Variants in TGFB1 observed in about 807,000 individuals in gnomAD.
TGFB1 encodes transforming growth factor beta-1 proprotein.
Under a neutral mutation model 43.8 loss-of-function variants are expected in TGFB1, and 19 were observed. The ratio of observed to expected loss-of-function variants is 0.43; its 90% CI spans 0.30 to 0.64. TGFB1 has a LOEUF of 0.64. TGFB1 is among the 30% of genes least tolerant of loss of function. The pLI, the probability that TGFB1 is intolerant of heterozygous loss-of-function variation, is 0.11. For synonymous variants in TGFB1, 221 were observed against 236.3 expected (o/e 0.94, Z 0.60); for missense variants, 445 against 529.8 (o/e 0.84, Z 1.57).
intron 3 of TGFB1, among the ~76,000 whole-genome samples, chr19:41,343,856 A>C (rs1463140311): frequency 6.6e-6 from 1 of 152,156 alleles, no homozygotes. Context: ...GGAGAGAGAT[A>C]GGGGCACCAT....
chr19:41,346,936 G>A (rs1241309987), intron 2 of TGFB1, among the ~76,000 whole-genome samples: 1 of 152,052 alleles, frequency 6.6e-6, no homozygotes, highest in Non-Finnish European at 1.5e-5. Flanking sequence ...ATGTTGGCCA[G>A]GCTGGTCTTG....
In TGFB1 at chr19:41,353,002, G is replaced by A. The variant is rs775720479; in HGVS notation, c.43C>T (p.Leu15=). The part of the protein sequence containing the change: ...GLRLLPLLLP[L]LWLLVLTPGR... ...GGCGTCAGCACCAGTAGCCACAGCA[G>A]CGGTAGCAGCAGCGGCAGCAGCCGC... Residue 15 remains leucine (L), a synonymous_variant, in exon 1 of 7, where the codon CTG becomes TTG. Transcript: ENST00000221930. This position sits in a 1 kb window ranked among gnomAD's most constrained non-coding sequence, Gnocchi z 5.9. 9 of 1,536,184 alleles carry A rather than the reference G, an allele frequency of 5.9e-6. No individual in the cohort carries two copies. The South Asian group carries it at 1.1e-4, about 18-fold the overall frequency.
chr19:41,343,737 G>C (rs983432587), intron 3 of TGFB1, among the ~76,000 whole-genome samples: 3 of 152,152 alleles, frequency 2.0e-5, no homozygotes, highest in Middle Eastern at 3.2e-3. Flanking sequence ...AGAACTGAGG[G>C]CTGTCTTGGT....
rs764671834 is a variant in TGFB1 at position 41,342,255 on chromosome 19, A to G, written c.635-8T>C. ...GAAAGCCCTCAATTTCCCCTGTAGG[A>G]GTGGCGAGAGGGAAGCCAGTCTGAG... On this transcript the variant is annotated splice_region_variant and splice_polypyrimidine_tract_variant and intron_variant, in intron 3 of 6. Coordinates refer to ENST00000221930, the MANE Select transcript of TGFB1 (RefSeq NM_000660.7). 2 of 1,587,656 alleles carry G rather than the reference A, an allele frequency of 1.3e-6. No individual in the cohort carries two copies. The highest frequency in any genetic ancestry group is 1.1e-5 in the South Asian group (1 of 87,238).
intron 5 of TGFB1, among the ~76,000 whole-genome samples, chr19:41,341,466 C>CAAAAAAAAAAAAAAAA (rs770264069): frequency 2.8e-5 from 1 of 35,582 alleles, no homozygotes; most frequent in African/African-American, 1.2e-4. Context: ...GACTCTGTCT[C>CAAAAAAAAAAAAAAAA]AAAAAAAAAA....
At chr19:41,340,190 G>T (rs2038038823) in intron 5 of TGFB1, among the ~76,000 whole-genome samples, 1 of 150,374 alleles carries the variant, frequency 6.7e-6, no homozygotes, top group Admixed American at 6.6e-5. Context: ...TGCCAGTATT[G>T]CATCCCAACA....
intron 5 of TGFB1, among the ~76,000 whole-genome samples, chr19:41,338,853 T>C (rs2038020496): frequency 6.6e-6 from 1 of 151,878 alleles, no homozygotes; most frequent in Admixed American, 6.6e-5. Flanking sequence ...AAAAAAAGTA[T>C]TAATCAACTG....
Position 41,348,323 on chromosome 19 carries a change from T to A in TGFB1, c.488A>T (p.Lys163Ile). Residue 163 changes from lysine to isoleucine, a missense_variant, in exon 2 of 7, where the codon AAA becomes ATA. Lys to Ile is a moderately radical substitution (Grantham distance 102, BLOSUM62 -3). Around this residue, in one of 3 missense-constraint regions of TGFB1, gnomAD observed 366 missense variants for 428.8 expected, o/e 0.85. Coordinates refer to ENST00000221930, the MANE Select transcript of TGFB1 (RefSeq NM_000660.7). ...GTACAGCTCCACGTGCTGCTCCACT[T>A]TTAACTTGAGCCTCAGCAGACGCAG... The part of the protein sequence containing the change: ...AELRLLRLKL[K>I]VEQHVELYQK... The A allele has an allele frequency of 6.2e-7, 1 of 1,613,266 alleles. No homozygotes were observed. The highest frequency in any genetic ancestry group is 8.5e-7 in the Non-Finnish European group (1 of 1,179,708).
In TGFB1 at chr19:41,352,824, G is replaced by A. The variant is rs1453471076; in HGVS notation, c.221C>T (p.Pro74Leu). The change falls in exon 1 of 7, where the codon CCC becomes CTC. Residue 74 changes from proline to leucine, a missense_variant. By Grantham distance (98) the Pro-to-Leu change is moderately conservative. Around this residue, in one of 3 missense-constraint regions of TGFB1, gnomAD observed 366 missense variants for 428.8 expected, o/e 0.85. Transcript: ENST00000221930. Reference protein sequence around the residue: ...SQGEVPPGPLPEAVLALYNST... With the variant: ...SQGEVPPGPLLEAVLALYNST... ...GTTGTACAGGGCGAGCACGGCCTCG[G>A]GCAGCGGGCCGGGCGGCACCTCCCC... The A allele has an allele frequency of 6.3e-7, 1 of 1,591,756 alleles. No individual in the cohort carries two copies. The highest frequency in any genetic ancestry group is 8.5e-7 in the Non-Finnish European group (1 of 1,169,978).
intron 2 of TGFB1, 60 bp downstream of exon 2, chr19:41,348,235 T>C: frequency 6.2e-7 from 1 of 1,600,434 alleles, no homozygotes; most frequent in Non-Finnish European, 8.5e-7. Flanking sequence ...GCCACCCCCT[T>C]GGTCACAGCT....
intron 5 of TGFB1, among the ~76,000 whole-genome samples, chr19:41,334,191 A>C (rs2037964628): frequency 1.3e-5 from 2 of 151,860 alleles, no homozygotes; most frequent in African/African-American, 4.8e-5. Flanking sequence ...CCTGACCAAC[A>C]TGGCGAAACC....
chr19:41,346,014 C>T (rs573072824), intron 2 of TGFB1, among the ~76,000 whole-genome samples: 1 of 152,102 alleles, frequency 6.6e-6, no homozygotes, highest in East Asian at 1.9e-4. Context: ...CAAGAGTCTG[C>T]CATGCCGCAC....
chr19:41,337,042 G>C (rs1568475671), intron 5 of TGFB1, among the ~76,000 whole-genome samples: 1 of 151,144 alleles, frequency 6.6e-6, no homozygotes, highest in South Asian at 2.1e-4. Flanking sequence ...ACTGCAACCT[G>C]TGCCTCCCAG....
rs192531919 is a variant in TGFB1 at position 41,346,362 on chromosome 19, A to C, written c.517-1498T>G. Among the ~76,000 whole-genome samples the C allele has an allele frequency of 2.7e-3, 405 of 152,216 alleles. 1 individual carries two copies. The highest frequency in any genetic ancestry group is 4.4e-3 in the African/African-American group (182 of 41,550). ...CAAAACTCCATCACACACACACACA[A>C]AAAAAAGAAGAATTTTCTGGGGCTG... On this transcript the variant is annotated intron_variant, in intron 2 of 6. Coordinates refer to ENST00000221930, the MANE Select transcript of TGFB1 (RefSeq NM_000660.7).
chr19:41,335,738 C>T (rs2037981824), intron 5 of TGFB1, among the ~76,000 whole-genome samples: 1 of 152,196 alleles, frequency 6.6e-6, no homozygotes, highest in African/African-American at 2.4e-5. Context: ...CCTGTAATCT[C>T]AGCACTTTGG....
At chr19:41,341,148 G>A (rs554221922) in intron 5 of TGFB1, among the ~76,000 whole-genome samples, 156 of 151,384 alleles carry the variant, frequency 1.0e-3, no homozygotes, top group African/African-American at 2.0e-3. Context: ...TGGCTAACAT[G>A]GTGAAACCCA....
Position 41,347,002 on chromosome 19 carries a change from A to G in TGFB1, c.516+1293T>C, listed in dbSNP as rs183936511. 4.6e-5 allele frequency among the ~76,000 whole-genome samples: 7 copies of G among 151,940 alleles called. No homozygotes were observed. The East Asian group carries it at 1.4e-3, about 29-fold the overall frequency. On this transcript the variant is annotated intron_variant, in intron 2 of 6. Coordinates refer to ENST00000221930, the MANE Select transcript of TGFB1 (RefSeq NM_000660.7). ...TGGCCTCCCAAAGTGCTGGGATTGC[A>G]GGCATGAGCCACCACGCCTGGCCTA...
intron 5 of TGFB1, among the ~76,000 whole-genome samples, chr19:41,335,712 G>A (rs1312413757): frequency 6.6e-6 from 1 of 152,218 alleles, no homozygotes; most frequent in African/African-American, 2.4e-5. Context: ...ACCTAGGCCA[G>A]GTGCAGTGAC....
chr19:41,334,692 C>G (rs755680414), intron 5 of TGFB1, among the ~76,000 whole-genome samples: 1 of 151,754 alleles, frequency 6.6e-6, no homozygotes, highest in East Asian at 1.9e-4. Context: ...GCAGGAGAAT[C>G]GCTTGAACCC....
Sources: gnomAD v4.1 joint callset for allele counts (sites outside exome capture counted in the v4.1 genomes callset) on GRCh38, gnomAD v4.1.1 for gene constraint, gnomAD v4.1.1 regional missense constraint, Gnocchi (gnomAD v3.1) non-coding constraint, MANE v1.5 for transcripts, NCBI Gene and HGNC (gene_info 2026-07-23, HGNC 2026-07-21) for gene names.